The following LRRC7 variants were observed in gnomAD, a reference collection of about 807,000 sequenced individuals.
LRRC7 encodes leucine rich repeat containing 7, also known as leucine-rich repeat-containing protein 7.
Under a neutral mutation model 175.7 loss-of-function variants are expected in LRRC7, and 23 were observed. The observed-to-expected ratio is 0.13, with a 90% CI of 0.09 to 0.19. The LOEUF (loss-of-function observed/expected upper bound fraction) is 0.19. LRRC7 is among the 10% of genes least tolerant of loss of function. The pLI, the probability that LRRC7 is intolerant of heterozygous loss-of-function variation, is 1.00. For synonymous variants in LRRC7, 685 were observed against 680.9 expected (o/e 1.01, Z -0.09); for missense variants, 1,354 against 1,904.7 (o/e 0.71, Z 5.38).
Position 70,011,836 on chromosome 1 carries a change from A to C in LRRC7, c.1044A>C (p.Glu348Asp), listed in dbSNP as rs1382193124. The C allele has an allele frequency of 6.4e-7, 1 of 1,570,262 alleles. No individual in the cohort carries two copies. Among genetic ancestry groups the C allele is most frequent in the Non-Finnish European group, 8.8e-7 (1 of 1,140,802 alleles). Residue 348 changes from glutamate (E) to aspartate (D), a missense_variant, in exon 12 of 27, where the codon GAA (glutamate) becomes GAC (aspartate). Glu to Asp is a conservative substitution (Grantham distance 45). Transcript: ENST00000651989. The part of the protein sequence containing the change: ...LLEEFDCSCN[E>D]LESLPSTIGY... ...AAGAATTTGACTGTAGCTGTAATGAACTGGAGTCACTACCTTCTACTATTG... is the reference window on the plus strand; with the variant it reads ...AAGAATTTGACTGTAGCTGTAATGACCTGGAGTCACTACCTTCTACTATTG...
intron 1 of LRRC7, among the ~76,000 whole-genome samples, chr1:69,647,037 A>T (rs1376489487): frequency 6.6e-6 from 1 of 152,180 alleles, no homozygotes; most frequent in Non-Finnish European, 1.5e-5. Flanking sequence ...TCATAGTAGG[A>T]AACAGAATCC....
intron 8 of LRRC7, among the ~76,000 whole-genome samples, chr1:69,960,327 A>AC (rs981954339): frequency 5.3e-5 from 8 of 151,102 alleles, no homozygotes; most frequent in Admixed American, 2.6e-4. Flanking sequence ...CAGTGGTAAT[A>AC]CCCCCCCTTA....
At chr1:70,033,610 G>C (rs115117823) in intron 18 of LRRC7, among the ~76,000 whole-genome samples, 1,663 of 152,208 alleles carry the variant, frequency 0.011, 33 homozygotes, top group African/African-American at 0.038. Context: ...CACTAAGGCT[G>C]TTTTTGATTC....
At position 69,781,763 on chromosome 1, in the gene LRRC7, G is replaced by GAGAGAGAAAGAA. The variant is rs1557719849; in HGVS notation, c.304-10277_304-10276insGAGAAAGAAAGA. 5.1e-5 allele frequency among the ~76,000 whole-genome samples: 2 copies of GAGAGAGAAAGAA among 39,228 alleles called. 1 individual carries two copies. The highest frequency in any genetic ancestry group is 3.3e-4 in the African/African-American group (2 of 6,120). The allele number at this position is 39,228 out of a possible 152,430, so 25.7% of individuals were successfully genotyped here. A position where few individuals can be genotyped will look rare whatever the true frequency, so the allele number is the denominator to read the frequency against. On this transcript the variant is annotated intron_variant, in intron 3 of 26. Coordinates refer to ENST00000651989, the MANE Select transcript of LRRC7 (RefSeq NM_001370785.2). ...AGAGAGAGAGAGAGAGAGAGAGAGAGAGAAAGAAAGAAAGAAAGAAAGAAA... is the reference window on the plus strand; with the variant it reads ...AGAGAGAGAGAGAGAGAGAGAGAGAGAGAGAGAAAGAAAGAAAGAAAGAAAGAAAGAAAGAAA...
intron 2 of LRRC7, among the ~76,000 whole-genome samples, chr1:69,726,808 A>G (rs994785327): frequency 3.3e-5 from 5 of 152,256 alleles, no homozygotes; most frequent in Non-Finnish European, 7.4e-5. Context: ...AAAAAATAAC[A>G]GAATTAAATA....
chr1:69,774,419 G>A (rs1672584110), intron 3 of LRRC7, among the ~76,000 whole-genome samples: 1 of 152,126 alleles, frequency 6.6e-6, no homozygotes, highest in Non-Finnish European at 1.5e-5. Context: ...AAACTTTTAT[G>A]AGTAGCATAT....
chr1:69,800,917 T>G (rs1343976745), intron 4 of LRRC7, among the ~76,000 whole-genome samples: 3 of 151,864 alleles, frequency 2.0e-5, no homozygotes, highest in African/African-American at 7.2e-5. Context: ...TTTCTATGCC[T>G]AGTTTGTTGA....
chr1:70,106,801 A>G (rs1429913111), intron 25 of LRRC7, among the ~76,000 whole-genome samples: 1 of 152,102 alleles, frequency 6.6e-6, no homozygotes, highest in African/African-American at 2.4e-5. Context: ...TCTCTCTGCA[A>G]TTTCCTTCTT....
chr1:69,764,730 C>CAGATAGAT (rs112836690), intron 3 of LRRC7, among the ~76,000 whole-genome samples: 5,630 of 140,242 alleles, frequency 0.04, 130 homozygotes, highest in African/African-American at 0.051. Context: ...GATAGATAGA[C>CAGATAGAT]AGATAGATAG....
rs1678423329 is a variant in LRRC7 at position 69,815,055 on chromosome 1, A to C, written c.422-10693A>C. ...TTAGTTGTTCTTTCACTTATAGCTC[A>C]TTGGGCAAAAATTCTCTAGGAGCTT... On this transcript the variant is annotated intron_variant, in intron 4 of 26. Coordinates refer to ENST00000651989, the MANE Select transcript of LRRC7 (RefSeq NM_001370785.2). Among the ~76,000 whole-genome samples, 3 of 152,086 alleles carry C rather than the reference A, an allele frequency of 2.0e-5. No homozygotes were observed. In the South Asian group the frequency reaches 6.2e-4, roughly 32 times the overall value.
intron 2 of LRRC7, among the ~76,000 whole-genome samples, chr1:69,706,369 A>T (rs1008850505): frequency 2.0e-5 from 3 of 152,112 alleles, no homozygotes; most frequent in African/African-American, 7.2e-5. Flanking sequence ...TTGACCTCAG[A>T]AACAGAGTCT....
At chr1:70,052,594 T>G (rs1660830798) in intron 22 of LRRC7, among the ~76,000 whole-genome samples, 1 of 152,070 alleles carries the variant, frequency 6.6e-6, no homozygotes, top group African/African-American at 2.4e-5. Context: ...CTTATAAAAT[T>G]TATTTTAGGT....
chr1:69,678,952 C>G (rs1160855239), intron 2 of LRRC7, among the ~76,000 whole-genome samples: 2 of 151,924 alleles, frequency 1.3e-5, no homozygotes, highest in Non-Finnish European at 2.9e-5. Context: ...TAAATGTAAA[C>G]CTGTTTGCCA....
intron 7 of LRRC7, among the ~76,000 whole-genome samples, chr1:69,907,011 T>A (rs1411469208): frequency 7.2e-5 from 11 of 151,776 alleles, no homozygotes; most frequent in Non-Finnish European, 1.5e-4. Flanking sequence ...TATTTTATTC[T>A]CTTTGAAGCA....
intron 1 of LRRC7, among the ~76,000 whole-genome samples, chr1:69,635,291 T>A (rs1436705989): frequency 6.6e-6 from 1 of 151,942 alleles, no homozygotes; most frequent in Non-Finnish European, 1.5e-5. Flanking sequence ...TATTCCATGG[T>A]GTATTTAGTG....
chr1:69,882,012 A>G (rs1686663456), intron 7 of LRRC7, among the ~76,000 whole-genome samples: 1 of 31,472 alleles, frequency 3.2e-5, no homozygotes, highest in African/African-American at 1.2e-4. Flanking sequence ...CTGAATAGCA[A>G]AAAAAAAAAA....
At chr1:69,952,673 A>G (rs567697942) in intron 8 of LRRC7, among the ~76,000 whole-genome samples, 3 of 152,190 alleles carry the variant, frequency 2.0e-5, no homozygotes, top group Admixed American at 6.6e-5. Context: ...GCATACATCT[A>G]TAGTAAGATT....
At chr1:69,801,988 C>T (rs1336543888) in intron 4 of LRRC7, among the ~76,000 whole-genome samples, 3 of 150,574 alleles carry the variant, frequency 2.0e-5, no homozygotes, top group Admixed American at 6.6e-5. Flanking sequence ...AAACATTGTT[C>T]AGGGGTATAT....
intron 23 of LRRC7, among the ~76,000 whole-genome samples, chr1:70,058,175 A>G (rs1661298080): frequency 6.6e-6 from 1 of 152,048 alleles, no homozygotes; most frequent in Non-Finnish European, 1.5e-5. Flanking sequence ...ACGCCTGGCT[A>G]ATTTTTGTAT....
Sources: gnomAD v4.1 joint callset for allele counts (sites outside exome capture counted in the v4.1 genomes callset) on GRCh38, gnomAD v4.1.1 for gene constraint, MANE v1.5 for transcripts, NCBI Gene and HGNC (gene_info 2026-07-23, HGNC 2026-07-21) for gene names.